ACP6: variants seen among roughly 807,000 people sequenced by gnomAD.
ACP6 encodes acid phosphatase 6, lysophosphatidic.
ACP6 carries 48 observed loss-of-function variants against 48.1 expected under a neutral mutation model. That is an observed-to-expected ratio of 1.00 (90% confidence interval 0.79 to 1.27). The LOEUF is 1.27. Among genes scored for constraint, ACP6 ranks in the 50% most tolerant of loss-of-function variants. The pLI, the probability that ACP6 is intolerant of heterozygous loss-of-function variation, is 0.00. For missense variants in ACP6, 485 were observed against 529.1 expected (o/e 0.92, Z 0.82); for synonymous variants, 172 against 204.2 (o/e 0.84, Z 1.34).
chr1:147,664,401 T>C (rs910572634), intron 1 of ACP6, among the ~76,000 whole-genome samples: 28 of 152,230 alleles, frequency 1.8e-4, no homozygotes, highest in African/African-American at 6.5e-4. Context: ...TTCTTATGCC[T>C]GGAATTTTCT....
intron 8 of ACP6, 22 bp downstream of exon 8, chr1:147,650,121 G>A: frequency 4.4e-6 from 7 of 1,596,170 alleles, no homozygotes; most frequent in Non-Finnish European, 5.1e-6. Flanking sequence ...GCTGCACAAA[G>A]CAGAGTTGCT....
chr1:147,657,665 C>T (rs1191680563), intron 4 of ACP6, among the ~76,000 whole-genome samples: 2 of 152,082 alleles, frequency 1.3e-5, no homozygotes, highest in African/African-American at 2.4e-5. Flanking sequence ...ATGATCCACC[C>T]GCCTCAGCCT....
At chr1:147,663,576 T>TGAGGTGGGAGCATCACTTGAGGCC (rs1553213131) in intron 1 of ACP6, among the ~76,000 whole-genome samples, 1 of 152,100 alleles carries the variant, frequency 6.6e-6, no homozygotes, top group African/African-American at 2.4e-5. Flanking sequence ...TTTGGGAGGC[T>TGAGGTGGGAGCATCACTTGAGGCC]GAGGTGGGAG....
At chr1:147,634,437 G>GTTT (rs3045326) in intron 5 of ACP6, among the ~76,000 whole-genome samples, 14,097 of 150,062 alleles carry the variant, frequency 0.094, 1,947 homozygotes, top group African/African-American at 0.31. Flanking sequence ...ATGCCTAAAA[G>GTTT]TTTTTTTTTT....
downstream of ACP6, among the ~76,000 whole-genome samples, chr1:147,637,827 A>G (rs1313905001): frequency 6.6e-6 from 1 of 152,228 alleles, no homozygotes; most frequent in Non-Finnish European, 1.5e-5. Context: ...TAAGACATCT[A>G]TCATTTATTC....
Position 147,645,846 on chromosome 1 carries a change from G to C in ACP6, c.*1577C>G, listed in dbSNP as rs1389550699. 1 of 152,210 alleles carries C rather than the reference G, an allele frequency of 6.6e-6. No individual in the cohort carries two copies. The highest frequency in any genetic ancestry group is 1.5e-5 in the Non-Finnish European group (1 of 68,038). The allele number at this position is 152,210 out of a possible 1,614,324, so 9.4% of individuals were successfully genotyped here. A position where few individuals can be genotyped will look rare whatever the true frequency, so the allele number is the denominator to read the frequency against. On this transcript the variant is annotated 3_prime_UTR_variant, in exon 10 of 10. Transcript: ENST00000583509. ...GTTTAAGAGATTTTACAGCATATTT[G>C]TATTGCTAATAGAATAATTGGTCAG...
rs1288807212 is a variant in ACP6, at chr1:147,643,082, A to G, written c.*4341T>C. The G allele has an allele frequency of 1.3e-5, 2 of 152,164 alleles. No individual in the cohort carries two copies. Among genetic ancestry groups the G allele is most frequent in the African/African-American group, 4.8e-5 (2 of 41,426 alleles). 9.4% of individuals were successfully genotyped at this position (152,164 alleles called of 1,614,324 possible). On this transcript the variant is annotated 3_prime_UTR_variant, in exon 10 of 10. Transcript: ENST00000583509. ...ATAAGGATTCCAGTCATATTGGATT[A>G]CAGCCTACCCATATGACCTCATTTA...
chr1:147,657,577 C>A (rs782609802), intron 4 of ACP6, among the ~76,000 whole-genome samples: 4 of 152,144 alleles, frequency 2.6e-5, no homozygotes, highest in Non-Finnish European at 4.4e-5. Flanking sequence ...CCCACCACCA[C>A]GCCTGGCTAA....
rs989116533 is a variant in ACP6, at chr1:147,643,531, A to G, written c.*3892T>C. 6.6e-6 allele frequency: 1 copy of G among 152,214 alleles called. No homozygotes were observed. Among genetic ancestry groups the G allele is most frequent in the Admixed American group, 6.5e-5 (1 of 15,282 alleles). 9.4% of individuals were successfully genotyped at this position (152,214 alleles called of 1,614,324 possible). A position where few individuals can be genotyped will look rare whatever the true frequency, so the allele number is the denominator to read the frequency against. Reference sequence around the variant, plus strand: ...AATGAAAAGAGGGAGCTAGCCACGCAAATGTCTAGGAGAGCATTCCAGGCA... The same window carrying G: ...AATGAAAAGAGGGAGCTAGCCACGCGAATGTCTAGGAGAGCATTCCAGGCA... On this transcript the variant is annotated 3_prime_UTR_variant, in exon 10 of 10. Coordinates refer to ENST00000583509, the MANE Select transcript of ACP6 (RefSeq NM_016361.5).
rs898744174 is a variant in ACP6, at chr1:147,654,235, C to T, written c.739G>A (p.Val247Met). 3.7e-6 allele frequency: 6 copies of T among 1,614,200 alleles called. No individual in the cohort carries two copies. The Middle Eastern group carries it at 8.2e-4, about 222-fold the overall frequency. Residue 247 changes from valine (V) to methionine (M), a missense_variant, in exon 6 of 10, where the codon GTG becomes ATG. By Grantham distance (21) the Val-to-Met change is conservative. Transcript: ENST00000583509. The stretch of plus-strand genomic sequence containing the variant: ...TTGTCCAGGAGGATGAAGAAGTCCA[C>T]TTTATCACTACTGTCAATGCCCATC... ...DRMGIDSSDK[V>M]DFFILLDNVA...
In ACP6 at chr1:147,670,314, C is replaced by A. The variant is rs587748560; in HGVS notation, c.-266G>T. 2.5e-6 allele frequency: 1 copy of A among 405,280 alleles called. No individual in the cohort carries two copies. The highest frequency in any genetic ancestry group is 2.0e-5 in the African/African-American group (1 of 49,532). 25.1% of individuals were successfully genotyped at this position (405,280 alleles called of 1,614,324 possible). Reference sequence around the variant, plus strand: ...GGGGTTGGTCGCTCCTGCTGCACACCGGGCCGGGGGAGATCGGATCCTTAT... The same window carrying A: ...GGGGTTGGTCGCTCCTGCTGCACACAGGGCCGGGGGAGATCGGATCCTTAT... On this transcript the variant is annotated 5_prime_UTR_variant, in exon 1 of 10. Coordinates refer to ENST00000583509, the MANE Select transcript of ACP6 (RefSeq NM_016361.5).
At chr1:147,669,147 G>T (rs1279486109) in intron 1 of ACP6, among the ~76,000 whole-genome samples, 1 of 152,028 alleles carries the variant, frequency 6.6e-6, no homozygotes, top group Admixed American at 6.5e-5. Context: ...AAACCAGACA[G>T]ATTTTTAAAA....
Position 147,652,457 on chromosome 1 carries a change from C to G in ACP6, c.873G>C (p.Lys291Asn), listed in dbSNP as rs141425303. Residue 291 changes from lysine (K) to asparagine (N), a missense_variant, in exon 7 of 10, where the codon AAG (lysine) becomes AAC (asparagine). Physicochemically the swap from Lys to Asn is moderately conservative, Grantham distance 94 (BLOSUM62 0). Coordinates refer to ENST00000583509, the MANE Select transcript of ACP6 (RefSeq NM_016361.5). ...CAGTGAGAGCCCCTCACCTGTCTTC[C>G]TTGGGCAGTATGTACAAGGATGTGT... ...AVDTSLYILP[K>N]EDRESLQMAV... The G allele has an allele frequency of 4.3e-6, 7 of 1,612,718 alleles. No homozygotes were observed. Among genetic ancestry groups the G allele is most frequent in the Non-Finnish European group, 5.1e-6 (6 of 1,179,506 alleles).
At chr1:147,640,664 G>C (rs1402419750), downstream of ACP6, among the ~76,000 whole-genome samples, 3 of 152,124 alleles carry the variant, frequency 2.0e-5, no homozygotes, top group African/African-American at 7.2e-5. Flanking sequence ...GGCAGGACTT[G>C]AACTCAGAGC....
chr1:147,670,239 G>C lies in ACP6; in HGVS notation c.-191C>G. ...AGACCCCGAGTGGGAACGGGGGAGA[G>C]AACAAGAGGTGGCAGCAGCGAAGAG... On this transcript the variant is annotated 5_prime_UTR_variant, in exon 1 of 10. Coordinates refer to ENST00000583509, the MANE Select transcript of ACP6 (RefSeq NM_016361.5). 1.8e-6 allele frequency: 1 copy of C among 560,714 alleles called. No homozygotes were observed. Among genetic ancestry groups the C allele is most frequent in the Non-Finnish European group, 3.1e-6 (1 of 320,418 alleles). 34.7% of individuals were successfully genotyped at this position (560,714 alleles called of 1,614,324 possible).
At chr1:147,669,070 G>C (rs990987769) in intron 1 of ACP6, among the ~76,000 whole-genome samples, 1 of 147,074 alleles carries the variant, frequency 6.8e-6, no homozygotes, top group Admixed American at 6.9e-5. Context: ...GCTATAAAAA[G>C]TCACATCCAG....
chr1:147,667,580 T>C (rs1440175561), intron 1 of ACP6, among the ~76,000 whole-genome samples: 5 of 152,206 alleles, frequency 3.3e-5, no homozygotes, highest in Non-Finnish European at 5.9e-5. Context: ...TGAAGTGACT[T>C]GTCACATATA....
chr1:147,660,893 G>C lies in ACP6; in HGVS notation c.220-1118C>G, dbSNP rs143599880. Among the ~76,000 whole-genome samples, 436 of 152,036 alleles carry C rather than the reference G, an allele frequency of 2.9e-3. 3 individuals are homozygous for C. Among genetic ancestry groups the C allele is most frequent in the Non-Finnish European group, 4.6e-3 (311 of 67,988 alleles). ...TCAGCTCACATACTTTCATTTTTAC[G>C]TGATGAAAATATGTAAAGTTAACCT... On this transcript the variant is annotated intron_variant, in intron 1 of 9. Transcript: ENST00000583509.
In ACP6 at chr1:147,659,774, A is replaced by G. The variant is rs1279696640; in HGVS notation, c.221T>C (p.Val74Ala). 6.2e-7 allele frequency: 1 copy of G among 1,612,760 alleles called. No individual in the cohort carries two copies. Among genetic ancestry groups the G allele is most frequent in the African/African-American group, 1.3e-5 (1 of 74,838 alleles). The change falls in exon 2 of 10, where the codon GTA becomes GCA. Residue 74 changes from valine (V) to alanine (A), a missense_variant and splice_region_variant. Val to Ala is a moderately conservative substitution (Grantham distance 64). Coordinates refer to ENST00000583509, the MANE Select transcript of ACP6 (RefSeq NM_016361.5). Reference protein sequence around the residue: ...PLKPLPLEEQVEWNPQLLEVP... With the variant: ...PLKPLPLEEQAEWNPQLLEVP... ...CTCTAATAGCTGGGGGTTCCACTCT[A>G]CCTGTTAGTACAAAAAAAACACACC...
Sources: gnomAD v4.1 joint callset for allele counts (sites outside exome capture counted in the v4.1 genomes callset) on GRCh38, gnomAD v4.1.1 for gene constraint, MANE v1.5 for transcripts, NCBI Gene and HGNC (gene_info 2026-07-23, HGNC 2026-07-21) for gene names.